The following ADGRB3 variants were observed in gnomAD, a reference collection of about 807,000 sequenced individuals.
ADGRB3 encodes adhesion G protein-coupled receptor B3, also known as brain-specific angiogenesis inhibitor 3.
In ADGRB3, 37 loss-of-function variants were observed where a neutral mutation model predicts 193.4. That is an observed-to-expected ratio of 0.19 (90% CI 0.15 to 0.25). The LOEUF is 0.25. Ranked by LOEUF, ADGRB3 falls within the 10% of genes least tolerant of loss-of-function variation. The pLI, the probability that ADGRB3 is intolerant of heterozygous loss-of-function variation, is 1.00. For synonymous variants in ADGRB3, 690 were observed against 644.2 expected (o/e 1.07, Z -1.08); for missense variants, 1,637 against 1,852.9 (o/e 0.88, Z 2.14).
chr6:69,001,471 G>A (rs577701241), intron 11 of ADGRB3, among the ~76,000 whole-genome samples: 2 of 152,144 alleles, frequency 1.3e-5, no homozygotes, highest in Non-Finnish European at 2.9e-5. Context: ...GGTCTGAAAA[G>A]GTAAATAACA....
chr6:69,242,287 G>A (rs1280560467), intron 20 of ADGRB3, among the ~76,000 whole-genome samples: 1 of 151,866 alleles, frequency 6.6e-6, no homozygotes, highest in Non-Finnish European at 1.5e-5. Context: ...TTTTGGTTTT[G>A]TATAGGATCC....
chr6:68,982,369 A>G (rs1490044393), intron 10 of ADGRB3, among the ~76,000 whole-genome samples: 1 of 152,182 alleles, frequency 6.6e-6, no homozygotes, highest in Admixed American at 6.5e-5. Context: ...TGATACTTTA[A>G]TTCATTCGGA....
At chr6:68,745,704 A>G (rs1766069941) in intron 3 of ADGRB3, among the ~76,000 whole-genome samples, 1 of 151,718 alleles carries the variant, frequency 6.6e-6, no homozygotes, top group Non-Finnish European at 1.5e-5. Context: ...TTGTATATTA[A>G]TATGTATATT....
chr6:68,977,576 G>A (rs1369661216), intron 10 of ADGRB3, among the ~76,000 whole-genome samples: 1 of 152,146 alleles, frequency 6.6e-6, no homozygotes, highest in African/African-American at 2.4e-5. Context: ...CAGTGAAATA[G>A]AAGAAATGAA....
At chr6:69,127,853 A>G (rs370115408) in intron 17 of ADGRB3, among the ~76,000 whole-genome samples, 1 of 152,116 alleles carries the variant, frequency 6.6e-6, no homozygotes, top group South Asian at 2.1e-4. Context: ...GGGAATTTGT[A>G]TGAGGTGGGA....
rs190998749 is a variant in ADGRB3, at chr6:69,389,422, T to C, written c.*531T>C. 2 of 152,740 alleles carry C rather than the reference T, an allele frequency of 1.3e-5. No individual in the cohort carries two copies. Among genetic ancestry groups the C allele is most frequent in the African/African-American group, 4.8e-5 (2 of 41,576 alleles). The allele number at this position is 152,740 out of a possible 1,614,324, so 9.5% of individuals were successfully genotyped here. On this transcript the variant is annotated 3_prime_UTR_variant, in exon 32 of 32. Transcript: ENST00000370598. ...ACATCTTTATTATTGCAGTTTTCTC[T>C]AGAAAGCTCTGAGAAGCTTTCTCTG...
intron 16 of ADGRB3, among the ~76,000 whole-genome samples, chr6:69,072,227 G>C (rs1772097642): frequency 6.6e-6 from 1 of 152,016 alleles, no homozygotes; most frequent in Non-Finnish European, 1.5e-5. Flanking sequence ...AATGTTTATT[G>C]TATACATCCC....
At chr6:68,749,408 A>ATGTGTG (rs60078030) in intron 3 of ADGRB3, among the ~76,000 whole-genome samples, 18,310 of 136,358 alleles carry the variant, frequency 0.13, 1,220 homozygotes, top group Admixed American at 0.19. Context: ...ATATATATAT[A>ATGTGTG]TGTGTGTGTG....
intron 20 of ADGRB3, among the ~76,000 whole-genome samples, chr6:69,288,191 TC>T (rs1767591887): frequency 1.3e-5 from 2 of 152,148 alleles, no homozygotes; most frequent in African/African-American, 4.8e-5. Flanking sequence ...ATGCTATCCC[TC>T]CCTTAGCCCT....
intron 17 of ADGRB3, among the ~76,000 whole-genome samples, chr6:69,180,693 C>T (rs1184959215): frequency 2.0e-5 from 3 of 152,200 alleles, no homozygotes; most frequent in African/African-American, 4.8e-5. Context: ...AGCAGCTCTC[C>T]TTCTGCCTCA....
intron 19 of ADGRB3, among the ~76,000 whole-genome samples, chr6:69,238,316 G>T (rs1176950293): frequency 1.3e-5 from 2 of 152,044 alleles, no homozygotes; most frequent in African/African-American, 4.8e-5. Flanking sequence ...AGAATGCAGT[G>T]AAGCAAAATA....
At chr6:69,289,091 C>A (rs1286630006) in intron 20 of ADGRB3, among the ~76,000 whole-genome samples, 1 of 152,124 alleles carries the variant, frequency 6.6e-6, no homozygotes, top group Non-Finnish European at 1.5e-5. Flanking sequence ...AATACAAGGA[C>A]TTTTCAGGGG....
chr6:69,061,790 T>C (rs1771757160), intron 15 of ADGRB3, among the ~76,000 whole-genome samples: 1 of 43,354 alleles, frequency 2.3e-5, no homozygotes, highest in Non-Finnish European at 7.1e-5. Context: ...AACAGCAGCA[T>C]GTCCGTGGTT....
chr6:69,321,400 T>C (rs913433926), intron 20 of ADGRB3, among the ~76,000 whole-genome samples: 2 of 151,744 alleles, frequency 1.3e-5, no homozygotes, highest in Admixed American at 6.6e-5. Flanking sequence ...GAGTCTCACA[T>C]TTGGAAAGGT....
intron 17 of ADGRB3, among the ~76,000 whole-genome samples, chr6:69,088,881 T>C (rs930491985): frequency 1.3e-5 from 2 of 152,208 alleles, no homozygotes; most frequent in South Asian, 4.1e-4. Flanking sequence ...GCCTGCAAAG[T>C]ATTTCAATAA....
At chr6:68,691,039 G>A (rs1160163349) in intron 3 of ADGRB3, among the ~76,000 whole-genome samples, 2 of 152,072 alleles carry the variant, frequency 1.3e-5, no homozygotes, top group Admixed American at 6.6e-5. Context: ...TTAGGAAATT[G>A]ATGATTGCCA....
intron 3 of ADGRB3, among the ~76,000 whole-genome samples, chr6:68,857,148 G>A (rs1422033588): frequency 6.6e-6 from 1 of 152,214 alleles, no homozygotes; most frequent in East Asian, 1.9e-4. Flanking sequence ...TGCATTGGGG[G>A]CCCCTCATGG....
intron 10 of ADGRB3, among the ~76,000 whole-genome samples, chr6:68,985,077 A>C (rs1355545399): frequency 6.7e-6 from 1 of 148,390 alleles, no homozygotes; most frequent in East Asian, 2.9e-4. Flanking sequence ...GTACAACCTG[A>C]AGTCTGAAAT....
intron 3 of ADGRB3, among the ~76,000 whole-genome samples, chr6:68,867,032 A>G (rs554600589): frequency 1.3e-5 from 2 of 152,362 alleles, no homozygotes; most frequent in South Asian, 2.1e-4. Flanking sequence ...AACCTATTTT[A>G]TGGGGAGAAA....
Sources: gnomAD v4.1 joint callset for allele counts (sites outside exome capture counted in the v4.1 genomes callset) on GRCh38, gnomAD v4.1.1 for gene constraint, MANE v1.5 for transcripts, NCBI Gene and HGNC (gene_info 2026-07-23, HGNC 2026-07-21) for gene names.